PDE8B: variants seen among roughly 807,000 people sequenced by gnomAD.
PDE8B encodes the protein high affinity cAMP-specific and IBMX-insensitive 3',5'-cyclic phosphodiesterase 8B.
A neutral mutation model predicts 101.3 loss-of-function variants in PDE8B; 26 were observed. That is an observed-to-expected ratio of 0.26 (90% CI 0.19 to 0.36). PDE8B has a LOEUF of 0.36. Among genes scored for constraint, PDE8B ranks in the 10% least tolerant of loss-of-function variants. The probability of loss-of-function intolerance (pLI) is 1.00; values close to 1 mark genes in which losing one functional copy is unlikely to be tolerated. For missense variants in PDE8B, 810 were observed against 1,163.1 expected (o/e 0.70, Z 4.42); for synonymous variants, 424 against 429.3 (o/e 0.99, Z 0.15).
chr5:77,211,185 C>G lies in PDE8B; in HGVS notation c.260C>G (p.Ala87Gly), dbSNP rs777708738. ...GSSAGSAAPA[A>G]TTSRGRRRHC... Reference sequence around the variant, plus strand: ...AGCGCGGGTTCCGCAGCCCCCGCCGCGACCACCAGCAGGGGCCGGAGGCGC... The same window carrying G: ...AGCGCGGGTTCCGCAGCCCCCGCCGGGACCACCAGCAGGGGCCGGAGGCGC... Residue 87 changes from alanine (A) to glycine (G), a missense_variant, in exon 1 of 22, where the codon GCG becomes GGG. Transcript: ENST00000264917. The surrounding 1 kb of genome is among the most constrained non-coding windows in gnomAD (Gnocchi z 4.1). 1 of 1,548,854 alleles carries G rather than the reference C, an allele frequency of 6.5e-7. No homozygotes were observed. The highest frequency in any genetic ancestry group is 1.2e-5 in the South Asian group (1 of 85,166).
Position 77,364,080 on chromosome 5 carries a change from C to T in PDE8B, c.1167+10674C>T, listed in dbSNP as rs545711771. 3.9e-5 allele frequency among the ~76,000 whole-genome samples: 6 copies of T among 152,308 alleles called. No individual in the cohort carries two copies. The East Asian group carries it at 1.2e-3, about 29-fold the overall frequency. ...AAGAGAGTGAGGTAGCTAACTGCAT[C>T]TGTACGGAGAATCCTGGGTCTCTTT... is the stretch of plus-strand genomic sequence containing the variant. On this transcript the variant is annotated intron_variant, in intron 10 of 21. Coordinates refer to ENST00000264917, the MANE Select transcript of PDE8B (RefSeq NM_003719.5).
At chr5:77,391,600 C>T (rs1225922238) in intron 10 of PDE8B, among the ~76,000 whole-genome samples, 1 of 152,188 alleles carries the variant, frequency 6.6e-6, no homozygotes, top group African/African-American at 2.4e-5. Flanking sequence ...TAGTGGCTGG[C>T]ATACATTTCC....
chr5:77,421,763 C>T (rs1561694679), intron 19 of PDE8B, 58 bp from the exon 20 acceptor site: 1 of 1,553,838 alleles, frequency 6.4e-7, no homozygotes, highest in Middle Eastern at 1.7e-4. Context: ...GGCGAATTAA[C>T]CCTTGTGGGC....
In PDE8B at chr5:77,349,365, C is replaced by T. The variant is rs1325453276; in HGVS notation, c.877-54C>T. On this transcript the variant is annotated intron_variant, in intron 7 of 21. Coordinates refer to ENST00000264917, the MANE Select transcript of PDE8B (RefSeq NM_003719.5). ...CTTCCTACGGGGCACACAGACATTT[C>T]ATGAATTCTGTCTTGTGTCCCCGCA... 2.5e-6 allele frequency: 4 copies of T among 1,608,264 alleles called. No individual in the cohort carries two copies. In the Admixed American group the frequency reaches 6.7e-5, roughly 27 times the overall value.
At chr5:77,418,644 C>G (rs1796033384) in intron 18 of PDE8B, among the ~76,000 whole-genome samples, 198 bp downstream of exon 18, 1 of 152,192 alleles carries the variant, frequency 6.6e-6, no homozygotes, top group Non-Finnish European at 1.5e-5. Context: ...TCAGTGAGTT[C>G]ATAAAAATGT....
At chr5:77,182,679 G>A in the PDE8B span, among the ~76,000 whole-genome samples, 13 of 151,734 alleles carry the variant, frequency 8.6e-5, no homozygotes, top group African/African-American at 2.2e-4. Context: ...GTTTGGTAAT[G>A]AAATAGTTAA....
At chr5:77,378,049 C>CACACACACA (rs1554093056) in intron 10 of PDE8B, among the ~76,000 whole-genome samples, 2 of 148,368 alleles carry the variant, frequency 1.3e-5, no homozygotes, top group African/African-American at 2.5e-5. Flanking sequence ...CACACACACA[C>CACACACACA]CCCCTGTTGG....
At position 77,418,659 on chromosome 5, in the gene PDE8B, T is replaced by C. The variant is rs767669701; in HGVS notation, c.2129+213T>C. ...TCAGTGAGTTCATAAAAATGTTTTA[T>C]ACACTGCAGAACACTACATAAATAT... On this transcript the variant is annotated intron_variant, in intron 18 of 21. Coordinates refer to ENST00000264917, the MANE Select transcript of PDE8B (RefSeq NM_003719.5). 1.2e-4 allele frequency among the ~76,000 whole-genome samples: 19 copies of C among 152,240 alleles called. 1 individual carries two copies. The highest frequency in any genetic ancestry group is 2.6e-4 in the Non-Finnish European group (18 of 68,038).
intron 6 of PDE8B, among the ~76,000 whole-genome samples, chr5:77,341,851 G>A (rs1259101255): frequency 6.6e-6 from 1 of 152,194 alleles, no homozygotes; most frequent in Non-Finnish European, 1.5e-5. Context: ...TACTAAGACA[G>A]TATACAGTTC....
chr5:77,353,518 C>A, intron 10 of PDE8B, 112 bp downstream of exon 10: 1 of 761,808 alleles, frequency 1.3e-6, no homozygotes, highest in Non-Finnish European at 2.4e-6. Context: ...CTAATTGTAG[C>A]TGCCAATTAA....
intron 12 of PDE8B, among the ~76,000 whole-genome samples, chr5:77,405,205 C>CTCACTTCTTA (rs1793173452): frequency 6.6e-6 from 1 of 152,356 alleles, no homozygotes; most frequent in African/African-American, 2.4e-5. Context: ...TAAAATGTCA[C>CTCACTTCTTA]AGAGAAATCG....
chr5:77,187,346 G>A, the PDE8B span, among the ~76,000 whole-genome samples: 1 of 152,138 alleles, frequency 6.6e-6, no homozygotes, highest in African/African-American at 2.4e-5. Context: ...GTGCTTTTAA[G>A]GAAGAAAAGA....
At chr5:77,214,681 GGAGTA>G (rs1317228814) in intron 1 of PDE8B, among the ~76,000 whole-genome samples, 1 of 152,168 alleles carries the variant, frequency 6.6e-6, no homozygotes, top group Non-Finnish European at 1.5e-5. Context: ...ATTTGGGGGA[GGAGTA>G]GAGCTATTTT....
the PDE8B span, among the ~76,000 whole-genome samples, chr5:77,091,175 G>A: frequency 6.6e-6 from 1 of 152,170 alleles, no homozygotes; most frequent in Non-Finnish European, 1.5e-5. Flanking sequence ...TCGAGTAGAA[G>A]AGAAGATTTA....
At chr5:77,419,989 T>C in intron 19 of PDE8B, 102 bp downstream of exon 19, 1 of 1,379,040 alleles carries the variant, frequency 7.3e-7, no homozygotes, top group Non-Finnish European at 1.0e-6. Flanking sequence ...TGTAAGGTGG[T>C]TATTTACTTG....
the PDE8B span, among the ~76,000 whole-genome samples, chr5:77,196,272 T>C: frequency 3.9e-5 from 6 of 152,206 alleles, no homozygotes; most frequent in African/African-American, 9.6e-5. Flanking sequence ...AAAAACTTTT[T>C]AATTTTGATG....
intron 10 of PDE8B, among the ~76,000 whole-genome samples, chr5:77,371,712 A>G (rs1785111294): frequency 6.6e-6 from 1 of 152,196 alleles, no homozygotes; most frequent in Admixed American, 6.5e-5. Context: ...CTTCCAGTCC[A>G]TGATATGGGG....
At chr5:77,230,195 T>C (rs1753276324) in intron 1 of PDE8B, among the ~76,000 whole-genome samples, 1 of 152,222 alleles carries the variant, frequency 6.6e-6, no homozygotes, top group Non-Finnish European at 1.5e-5. Flanking sequence ...TTCAAGGTTG[T>C]TTTTAAGAAT....
chr5:77,423,313 C>A (rs1462852024), intron 20 of PDE8B, among the ~76,000 whole-genome samples: 1 of 152,182 alleles, frequency 6.6e-6, no homozygotes, highest in Non-Finnish European at 1.5e-5. Flanking sequence ...ATTGTGCTGT[C>A]ATAAACATGC....
Sources: allele counts gnomAD v4.1 joint callset (sites outside exome capture counted in the v4.1 genomes callset), GRCh38; gene constraint gnomAD v4.1.1; non-coding constraint Gnocchi (gnomAD v3.1); transcripts MANE v1.5; gene names NCBI Gene and HGNC (gene_info 2026-07-23, HGNC 2026-07-21).